GAK: variants seen among roughly 807,000 people sequenced by gnomAD.
GAK encodes cyclin-G-associated kinase.
A neutral mutation model predicts 143.9 loss-of-function variants in GAK; 79 were observed. The observed-to-expected ratio is 0.55, with a 90% CI of 0.46 to 0.66. GAK has a LOEUF of 0.66. GAK is among the 30% of genes least tolerant of loss of function. GAK has a pLI of 0.00. For missense variants in GAK, 1,693 were observed against 1,779.7 expected, an observed-to-expected ratio of 0.95 and a Z score of 0.88; for synonymous variants, 881 against 765.5, an observed-to-expected ratio of 1.15 and a Z score of -2.49.
At chr4:857,142 G>A (rs59898538) in intron 24 of GAK, among the ~76,000 whole-genome samples, 117 of 152,336 alleles carry the variant, frequency 7.7e-4, no homozygotes, top group African/African-American at 2.8e-3. Context: ...ATTCTGAAAT[G>A]TCAGCCTTGG....
rs1444727813 is a variant in GAK, at chr4:866,214, G to GCAGGATGCTTGGGCCGC, written c.3043+133_3043+149dup. The GCAGGATGCTTGGGCCGC allele has an allele frequency of 9.4e-6, 7 of 746,410 alleles. No homozygotes were observed. The Admixed American group carries it at 1.5e-4, about 17-fold the overall frequency. 46.2% of individuals were successfully genotyped at this position (746,410 alleles called of 1,614,324 possible). A position where few individuals can be genotyped will look rare whatever the true frequency, so the allele number is the denominator to read the frequency against. On this transcript the variant is annotated intron_variant, in intron 22 of 27. Transcript: ENST00000314167. ...TCTGTCCTGACCTCTGGGACGTCCT[G>GCAGGATGCTTGGGCCGC]CAGGATGCTTGGGCCGCAAGGAGCG... is the stretch of plus-strand genomic sequence containing the variant.
At position 895,015 on chromosome 4, in the gene GAK, A is replaced by AAATAAATAAAT. The variant is rs59025740; in HGVS notation, c.742-1007_742-1006insATTTATTTATT. ...TAAATAAATAAATAAATAAATAAAT[A>AAATAAATAAAT]AAGGTTCCTTTCAAAATTCCGGGGT... On this transcript the variant is annotated intron_variant, in intron 7 of 27. Transcript: ENST00000314167. 9.1e-3 allele frequency among the ~76,000 whole-genome samples: 949 copies of AAATAAATAAAT among 103,990 alleles called. 9 individuals carry two copies. Among genetic ancestry groups the AAATAAATAAAT allele is most frequent in the South Asian group, 0.031 (92 of 2,990 alleles). 68.2% of individuals were successfully genotyped at this position (103,990 alleles called of 152,430 possible). A position where few individuals can be genotyped will look rare whatever the true frequency, so the allele number is the denominator to read the frequency against.
intron 4 of GAK, among the ~76,000 whole-genome samples, chr4:905,926 G>C (rs1466176593): frequency 1.3e-5 from 2 of 152,368 alleles, no homozygotes; most frequent in East Asian, 3.9e-4. Context: ...CCAGTGGCAG[G>C]GGTGGGCTCG....
At chr4:867,540 C>T in intron 20 of GAK, 108 bp from the exon 21 acceptor site, 1 of 585,088 alleles carries the variant, frequency 1.7e-6, no homozygotes, top group Non-Finnish European at 3.0e-6. Context: ...TTGGTGAACA[C>T]ACGTGGCCAG....
At chr4:888,659 G>T in intron 11 of GAK, 188 bp downstream of exon 11, 1 of 673,706 alleles carries the variant, frequency 1.5e-6, no homozygotes, top group Non-Finnish European at 2.4e-6. Flanking sequence ...AAAGGGATCT[G>T]CCTGGCTCTG....
chr4:867,031 C>T lies in GAK; in HGVS notation c.2797G>A (p.Asp933Asn), dbSNP rs1751319050. 6.7e-7 allele frequency: 1 copy of T among 1,503,354 alleles called. No homozygotes were observed. The highest frequency in any genetic ancestry group is 1.3e-5 in the South Asian group (1 of 74,092). 93.1% of individuals were successfully genotyped at this position (1,503,354 alleles called of 1,614,324 possible). ...QGPPEDLLSE[D>N]PLLLASPAPP... ...GCCGGGCTTGCCAGGAGCAGCGGGT[C>T]CTCGCTGAGCAGATCCTCCGGGGGC... The change falls in exon 21 of 28, where the codon GAC becomes AAC. Residue 933 changes from aspartate to asparagine, a missense_variant. By Grantham distance (23) the Asp-to-Asn change is conservative. This residue lies in a region of GAK where 822 missense variants were observed against 788.7 expected (regional missense o/e 1.04). Transcript: ENST00000314167.
intron 1 of GAK, among the ~76,000 whole-genome samples, chr4:925,187 C>G (rs1280063565): frequency 6.6e-6 from 1 of 152,198 alleles, no homozygotes; most frequent in African/African-American, 2.4e-5. Context: ...AAGCTTGACA[C>G]TTTTTAAACC....
At position 870,851 on chromosome 4, in the gene GAK, A is replaced by G; in HGVS notation, c.2108T>C (p.Val703Ala). The change falls in exon 19 of 28, where the codon GTG becomes GCG. Residue 703 changes from valine to alanine, a missense_variant. Coordinates refer to ENST00000314167, the MANE Select transcript of GAK (RefSeq NM_005255.4). ...IQEKYPDLFQ[V>A]NLEVEVEPRD... is the part of the protein sequence containing the mutation. ...GGGCTCCACCTCCACTTCCAGGTTC[A>G]CTTGAAATAAATCCGGGTATTTTTC... 1 of 1,613,888 alleles carries G rather than the reference A, an allele frequency of 6.2e-7. No homozygotes were observed. Among genetic ancestry groups the G allele is most frequent in the Non-Finnish European group, 8.5e-7 (1 of 1,179,944 alleles).
intron 18 of GAK, 140 bp from the exon 19 acceptor site, chr4:871,044 C>T (rs1712490380): frequency 2.8e-6 from 2 of 718,580 alleles, no homozygotes; most frequent in South Asian, 4.1e-5. Context: ...GCCGGCCACC[C>T]CCGCCTGCGG....
chr4:892,837 C>T (rs999821653), intron 9 of GAK, among the ~76,000 whole-genome samples: 22 of 152,352 alleles, frequency 1.4e-4, no homozygotes, highest in African/African-American at 5.3e-4. Flanking sequence ...AGAAAGGCGC[C>T]TGCAAACCTC....
intron 5 of GAK, among the ~76,000 whole-genome samples, chr4:898,667 G>A (rs371197864): frequency 3.3e-5 from 5 of 152,262 alleles, no homozygotes; most frequent in African/African-American, 1.2e-4. Flanking sequence ...TTCGAGACAC[G>A]CCTGACCAAC....
At position 932,107 on chromosome 4, in the gene GAK, G is replaced by A; in HGVS notation, c.81C>T (p.Asp27=). ...CCAGTTCCACCGTCTGCCCCACGAAGTCACTCTGGTCGCGGCCGGAAGCAC... is the reference window on the plus strand; with the variant it reads ...CCAGTTCCACCGTCTGCCCCACGAAATCACTCTGGTCGCGGCCGGAAGCAC... ...LGGASGRDQS[D]FVGQTVELGE... The change falls in exon 1 of 28, where the codon GAC becomes GAT. Residue 27 remains aspartate (D), a synonymous_variant. Coordinates refer to ENST00000314167, the MANE Select transcript of GAK (RefSeq NM_005255.4). This position sits in a 1 kb window ranked among gnomAD's most constrained non-coding sequence, Gnocchi z 4.0. 6.2e-7 allele frequency: 1 copy of A among 1,600,062 alleles called. No individual in the cohort carries two copies. Among genetic ancestry groups the A allele is most frequent in the East Asian group, 2.3e-5 (1 of 44,172 alleles).
In GAK at chr4:908,194, G is replaced by T. The variant is rs190834547; in HGVS notation, c.383-3415C>A. Among the ~76,000 whole-genome samples, 3 of 152,280 alleles carry T rather than the reference G, an allele frequency of 2.0e-5. No individual in the cohort carries two copies. In the East Asian group the frequency reaches 5.8e-4, roughly 29 times the overall value. On this transcript the variant is annotated intron_variant, in intron 4 of 27. Coordinates refer to ENST00000314167, the MANE Select transcript of GAK (RefSeq NM_005255.4). ...CATCACTAGACCCACAGGAAGCCCC[G>T]TCTGGCCTTTATCCAAGTTACTCCA...
intron 15 of GAK, 105 bp downstream of exon 15, chr4:881,802 G>T: frequency 7.5e-7 from 1 of 1,329,168 alleles, no homozygotes; most frequent in South Asian, 1.5e-5. Flanking sequence ...TCCCACCAGC[G>T]CCTGCAGCGG....
At chr4:852,157 C>T in intron 24 of GAK, 183 bp from the exon 25 acceptor site, 1 of 641,626 alleles carries the variant, frequency 1.6e-6, no homozygotes, top group Non-Finnish European at 2.8e-6. Context: ...GGGGCTGGAG[C>T]ACAGGCCAGG....
intron 7 of GAK, among the ~76,000 whole-genome samples, chr4:896,070 T>C (rs1031231148): frequency 6.6e-6 from 1 of 152,150 alleles, no homozygotes; most frequent in Non-Finnish European, 1.5e-5. Flanking sequence ...GAGACCGGCC[T>C]GGGCGACATG....
intron 1 of GAK, 94 bp from the exon 2 acceptor site, chr4:913,762 C>G: frequency 9.0e-7 from 1 of 1,114,330 alleles, no homozygotes; most frequent in Admixed American, 1.8e-5. Flanking sequence ...TACAAATTGA[C>G]TTGTGGCGTG....
rs1202505242 is a variant in GAK, at chr4:867,346, C to T, written c.2482G>A (p.Val828Met). 3.7e-6 allele frequency: 6 copies of T among 1,606,232 alleles called. No individual in the cohort carries two copies. The African/African-American group carries it at 8.0e-5, about 21-fold the overall frequency. Residue 828 changes from valine to methionine, a missense_variant, in exon 21 of 28, where the codon GTG (valine) becomes ATG (methionine). Around this residue, in one of 2 missense-constraint regions of GAK, gnomAD observed 822 missense variants for 788.7 expected, o/e 1.04. Coordinates refer to ENST00000314167, the MANE Select transcript of GAK (RefSeq NM_005255.4). Reference protein sequence around the residue: ...ALMEDRDESEVSDEGGSPISS... With the variant: ...ALMEDRDESEMSDEGGSPISS... Reference sequence around the variant, plus strand: ...ATCGGGGATCCCCCTTCATCTGACACCTCACTCTCGTCTCTGTCCTCCATC... The same window carrying T: ...ATCGGGGATCCCCCTTCATCTGACATCTCACTCTCGTCTCTGTCCTCCATC...
In GAK at chr4:882,682, G is replaced by T. The variant is rs747014895; in HGVS notation, c.1527+15C>A. On this transcript the variant is annotated intron_variant, in intron 14 of 27. Coordinates refer to ENST00000314167, the MANE Select transcript of GAK (RefSeq NM_005255.4). ...TTGACAGAAGACGGCGCCAGCCCAC[G>T]GCCCTCGAGCTCACCATGCAGTGCA... The T allele has an allele frequency of 1.9e-6, 3 of 1,609,702 alleles. No homozygotes were observed. The highest frequency in any genetic ancestry group is 1.1e-5 in the South Asian group (1 of 91,010).
Sources: gnomAD v4.1 joint callset for allele counts (sites outside exome capture counted in the v4.1 genomes callset) on GRCh38, gnomAD v4.1.1 for gene constraint, gnomAD v4.1.1 regional missense constraint, Gnocchi (gnomAD v3.1) non-coding constraint, MANE v1.5 for transcripts, NCBI Gene and HGNC (gene_info 2026-07-23, HGNC 2026-07-21) for gene names.